Variants in AGBL1 observed in about 807,000 individuals in gnomAD.
AGBL1 encodes the protein AGBL carboxypeptidase 1.
A neutral mutation model predicts 118.9 loss-of-function variants in AGBL1; 130 were observed. The ratio of observed to expected loss-of-function variants is 1.09; its 90% CI spans 0.95 to 1.26. The LOEUF (loss-of-function observed/expected upper bound fraction) is 1.26. AGBL1 is among the 50% of genes most tolerant of loss of function. The probability of loss-of-function intolerance (pLI) is 0.00; values close to 1 mark genes in which losing one functional copy is unlikely to be tolerated. For missense variants in AGBL1, 1,584 were observed against 1,298.1 expected (o/e 1.22, Z -3.38); for synonymous variants, 555 against 478.9 (o/e 1.16, Z -2.08).
In AGBL1 at chr15:86,181,103, G is replaced by A. The variant is rs11073623; in HGVS notation, c.488+22077G>A. On this transcript the variant is annotated intron_variant, in intron 5 of 22. Coordinates refer to ENST00000614907, the MANE Select transcript of AGBL1 (RefSeq NM_001386094.1). ...TGCAACCACTTTGGAAAACAGTCTGGCAGTTTCTTAAATATTAAACACACA... is the reference window on the plus strand; with the variant it reads ...TGCAACCACTTTGGAAAACAGTCTGACAGTTTCTTAAATATTAAACACACA... Among the ~76,000 whole-genome samples the A allele has an allele frequency of 9.0e-3, 1,373 of 152,198 alleles. 19 individuals carry two copies. Among genetic ancestry groups the A allele is most frequent in the African/African-American group, 0.032 (1,318 of 41,560 alleles).
chr15:86,642,469 C>T (rs2085208550), intron 21 of AGBL1, among the ~76,000 whole-genome samples: 1 of 151,764 alleles, frequency 6.6e-6, no homozygotes, highest in African/African-American at 2.4e-5. Flanking sequence ...TTCACTATAG[C>T]AAGATATTGG....
Position 86,143,808 on chromosome 15 carries a change from G to C in AGBL1, c.225G>C (p.Leu75=), listed in dbSNP as rs762982996. ...RTAPPDYDIL[L]PLFRLLAKVG... is the part of the protein sequence containing the mutation. ...CTCCTCCAGACTATGACATCCTCCTGCCTCTCTTCCGGCTGCTGGCCAAAG... is the reference window on the plus strand; with the variant it reads ...CTCCTCCAGACTATGACATCCTCCTCCCTCTCTTCCGGCTGCTGGCCAAAG... Residue 75 remains leucine (L), a synonymous_variant, in exon 3 of 23, where the codon CTG becomes CTC. Coordinates refer to ENST00000614907, the MANE Select transcript of AGBL1 (RefSeq NM_001386094.1). The C allele has an allele frequency of 1.6e-5, 26 of 1,613,704 alleles. No individual in the cohort carries two copies. Among genetic ancestry groups the C allele is most frequent in the African/African-American group, 2.7e-5 (2 of 74,912 alleles).
chr15:86,530,285 CA>C (rs1236461825), intron 19 of AGBL1, among the ~76,000 whole-genome samples: 1 of 111,000 alleles, frequency 9.0e-6, no homozygotes, highest in South Asian at 2.8e-4. Context: ...CAATGGAAAA[CA>C]AAAAAAGGCA....
chr15:87,024,809 AG>A (rs201845719), intron 24 of AGBL1, among the ~76,000 whole-genome samples: 4,295 of 151,972 alleles, frequency 0.028, 86 homozygotes, highest in Middle Eastern at 0.058. Context: ...TTTCATTCCA[AG>A]GATGCAGGGT....
chr15:86,315,298 C>A (rs1263952244), intron 17 of AGBL1, among the ~76,000 whole-genome samples: 1 of 152,180 alleles, frequency 6.6e-6, no homozygotes, highest in Non-Finnish European at 1.5e-5. Context: ...TTTGGGCTTT[C>A]TCTCAGAGTA....
At chr15:86,588,063 A>C (rs1164537613) in intron 21 of AGBL1, among the ~76,000 whole-genome samples, 2 of 152,260 alleles carry the variant, frequency 1.3e-5, no homozygotes, top group East Asian at 3.8e-4. Flanking sequence ...TTCTAAATAT[A>C]AACTTATGTA....
At chr15:86,225,654 A>C (rs955841167) in intron 6 of AGBL1, among the ~76,000 whole-genome samples, 7 of 152,052 alleles carry the variant, frequency 4.6e-5, no homozygotes, top group Admixed American at 2.0e-4. Flanking sequence ...GGGAGGGAAG[A>C]AGTCTTAGCT....
At chr15:86,436,525 C>A (rs1319702795) in intron 18 of AGBL1, among the ~76,000 whole-genome samples, 2 of 152,120 alleles carry the variant, frequency 1.3e-5, no homozygotes, top group Non-Finnish European at 1.5e-5. Flanking sequence ...AACTCTAGCT[C>A]ATGCCATCCA....
At chr15:86,705,478 C>T (rs1217465511) in intron 22 of AGBL1, among the ~76,000 whole-genome samples, 4 of 151,970 alleles carry the variant, frequency 2.6e-5, no homozygotes, top group Non-Finnish European at 5.9e-5. Flanking sequence ...CTAGGTAATC[C>T]ACGTAAAGTG....
At chr15:86,393,971 C>T (rs996024353) in intron 17 of AGBL1, among the ~76,000 whole-genome samples, 1 of 152,090 alleles carries the variant, frequency 6.6e-6, no homozygotes, top group African/African-American at 2.4e-5. Flanking sequence ...AAACAGAAGG[C>T]GGGGCCTCAC....
intron 22 of AGBL1, among the ~76,000 whole-genome samples, chr15:86,836,106 G>T (rs937665804): frequency 6.6e-6 from 1 of 152,152 alleles, no homozygotes; most frequent in Non-Finnish European, 1.5e-5. Flanking sequence ...AGAGGCAGAA[G>T]TTCATTTTTA....
chr15:86,839,949 A>G (rs1286576125), intron 22 of AGBL1, among the ~76,000 whole-genome samples: 1 of 152,172 alleles, frequency 6.6e-6, no homozygotes, highest in Non-Finnish European at 1.5e-5. Flanking sequence ...ATGCATATCT[A>G]CCTTTCCAGG....
rs201576152 is a variant in AGBL1, at chr15:86,447,532, CA to C, written c.2555+49988del. ...TGAAATCTATGTCTAGGTATTTCAG[CA>C]ACATCAGTCAAAGTGTTTAAGTCAA... On this transcript the variant is annotated intron_variant, in intron 18 of 22. Coordinates refer to ENST00000614907, the MANE Select transcript of AGBL1 (RefSeq NM_001386094.1). Among the ~76,000 whole-genome samples, 1,338 of 152,270 alleles carry C rather than the reference CA, an allele frequency of 8.8e-3. 24 individuals carry two copies. The highest frequency in any genetic ancestry group is 0.03 in the African/African-American group (1,253 of 41,542).
intron 22 of AGBL1, among the ~76,000 whole-genome samples, chr15:86,677,404 C>T (rs551449142): frequency 1.3e-5 from 2 of 152,296 alleles, no homozygotes; most frequent in African/African-American, 2.4e-5. Flanking sequence ...TCTCCTCTTC[C>T]TTTCTCCTTC....
intron 16 of AGBL1, among the ~76,000 whole-genome samples, chr15:86,282,248 C>A (rs991370130): frequency 1.3e-5 from 2 of 152,138 alleles, no homozygotes; most frequent in Non-Finnish European, 2.9e-5. Flanking sequence ...AAAGAGGACC[C>A]CCCTCTCTCC....
At chr15:86,367,817 C>A (rs2080913891) in intron 17 of AGBL1, among the ~76,000 whole-genome samples, 1 of 152,014 alleles carries the variant, frequency 6.6e-6, no homozygotes, top group South Asian at 2.1e-4. Flanking sequence ...GAACATAAGT[C>A]CAGAAATAAG....
At chr15:86,107,945 A>G (rs916541494) in intron 1 of AGBL1, among the ~76,000 whole-genome samples, 2 of 152,192 alleles carry the variant, frequency 1.3e-5, no homozygotes, top group African/African-American at 4.8e-5. Flanking sequence ...GCTCTCTTAA[A>G]ATAGAGTAAG....
At chr15:86,134,168 T>C (rs1004606511) in intron 1 of AGBL1, among the ~76,000 whole-genome samples, 1 of 152,250 alleles carries the variant, frequency 6.6e-6, no homozygotes, top group Admixed American at 6.5e-5. Context: ...CCATTTTTAG[T>C]AATTGAAGTT....
intron 3 of AGBL1, among the ~76,000 whole-genome samples, chr15:86,146,942 G>A (rs1047549369): frequency 6.6e-5 from 10 of 152,116 alleles, no homozygotes; most frequent in African/African-American, 2.2e-4. Context: ...ATCTGATAGT[G>A]ATGTATTCTT....
Sources: gnomAD v4.1 joint callset for allele counts (sites outside exome capture counted in the v4.1 genomes callset) on GRCh38, gnomAD v4.1.1 for gene constraint, MANE v1.5 for transcripts, NCBI Gene and HGNC (gene_info 2026-07-23, HGNC 2026-07-21) for gene names.